Variants in ARHGAP28 observed in about 807,000 individuals in gnomAD.
ARHGAP28 encodes the protein Rho GTPase activating protein 28.
A neutral mutation model predicts 90.7 loss-of-function variants in ARHGAP28; 56 were observed. The observed-to-expected ratio is 0.62, with a 90% CI of 0.50 to 0.77. The LOEUF (loss-of-function observed/expected upper bound fraction) is 0.77, where lower values mean the gene tolerates loss of function less well. Among genes scored for constraint, ARHGAP28 ranks in the 30% least tolerant of loss-of-function variants. The probability of loss-of-function intolerance (pLI) is 0.00; values close to 1 mark genes in which losing one functional copy is unlikely to be tolerated. For missense variants in ARHGAP28, 869 were observed against 900.9 expected (o/e 0.96, Z 0.45); for synonymous variants, 308 against 323.3 (o/e 0.95, Z 0.51).
chr18:6,731,662 CT>C (rs2055883972), intron 1 of ARHGAP28, among the ~76,000 whole-genome samples: 1 of 152,176 alleles, frequency 6.6e-6, no homozygotes, highest in Non-Finnish European at 1.5e-5. Flanking sequence ...GCAGAACCCC[CT>C]GGCCCCCTGC....
intron 3 of ARHGAP28, among the ~76,000 whole-genome samples, chr18:6,849,996 T>G (rs1310922509): frequency 6.6e-6 from 1 of 152,130 alleles, no homozygotes; most frequent in African/African-American, 2.4e-5. Context: ...TTGTCACTTA[T>G]TTTCCGTATA....
chr18:6,742,221 C>A (rs1367183777), intron 1 of ARHGAP28, among the ~76,000 whole-genome samples: 1 of 138,524 alleles, frequency 7.2e-6, no homozygotes, highest in Non-Finnish European at 1.5e-5. Flanking sequence ...GGCTGGAGTT[C>A]AGTGGTGTGA....
Position 6,851,131 on chromosome 18 carries a change from G to GT in ARHGAP28, c.636+7dup. On this transcript the variant is annotated splice_donor_region_variant and intron_variant, in intron 4 of 17. Transcript: ENST00000383472. ...ATCAAGACAAGTGGTTCCATGGTAA[G>GT]TTATAGTTGTGGGGGGATGGTGGTA... is the stretch of plus-strand genomic sequence containing the variant. 1 of 1,613,436 alleles carries GT rather than the reference G, an allele frequency of 6.2e-7. No homozygotes were observed. The highest frequency in any genetic ancestry group is 8.5e-7 in the Non-Finnish European group (1 of 1,179,432).
intron 1 of ARHGAP28, among the ~76,000 whole-genome samples, chr18:6,819,532 T>C (rs2056613203): frequency 6.6e-6 from 1 of 152,148 alleles, no homozygotes. Flanking sequence ...GTGGAGGGAC[T>C]CTACCGGGAT....
chr18:6,783,682 C>T (rs972535439), intron 1 of ARHGAP28, among the ~76,000 whole-genome samples: 3 of 152,312 alleles, frequency 2.0e-5, no homozygotes, highest in African/African-American at 4.8e-5. Context: ...CACTTTGAGA[C>T]GCTCTGCGGG....
intron 1 of ARHGAP28, 38 bp downstream of exon 1, chr18:6,729,981 G>C (rs1452836967): frequency 2.0e-5 from 27 of 1,318,862 alleles, no homozygotes; most frequent in Non-Finnish European, 2.6e-5. Flanking sequence ...GCGCAGTCGC[G>C]CTGGGCTTGG....
chr18:6,873,291 A>T, intron 7 of ARHGAP28, 118 bp from the exon 8 acceptor site: 1 of 803,118 alleles, frequency 1.2e-6, no homozygotes, highest in Non-Finnish European at 2.0e-6. Context: ...CTCCTTAGAG[A>T]TGTTTTCCAA....
intron 1 of ARHGAP28, among the ~76,000 whole-genome samples, chr18:6,763,044 C>A (rs1418790964): frequency 6.6e-6 from 1 of 152,066 alleles, no homozygotes; most frequent in African/African-American, 2.4e-5. Flanking sequence ...CTTGTATCAT[C>A]CCATTTAATT....
At chr18:6,815,252 A>G (rs2056582387) in intron 1 of ARHGAP28, among the ~76,000 whole-genome samples, 1 of 152,258 alleles carries the variant, frequency 6.6e-6, no homozygotes, top group Admixed American at 6.5e-5. Context: ...TATTAGCCGA[A>G]CAGGGAGCAA....
chr18:6,869,016 A>C (rs2057060462), intron 6 of ARHGAP28, among the ~76,000 whole-genome samples: 1 of 152,142 alleles, frequency 6.6e-6, no homozygotes, highest in African/African-American at 2.4e-5. Context: ...AGACATTAGT[A>C]TTCTACATCA....
At chr18:6,891,716 T>TA (rs922801124) in intron 14 of ARHGAP28, among the ~76,000 whole-genome samples, 1 of 152,146 alleles carries the variant, frequency 6.6e-6, no homozygotes, top group African/African-American at 2.4e-5. Context: ...GCCTCTCCAG[T>TA]AGCTAGGACT....
At chr18:6,898,055 T>C (rs2057316737) in intron 16 of ARHGAP28, 1 of 155,268 alleles carries the variant, frequency 6.4e-6, no homozygotes, top group African/African-American at 2.4e-5. Context: ...CTGTATTATG[T>C]CTTAAAACCA....
rs189579726 is a variant in ARHGAP28 at position 6,840,196 on chromosome 18, A to G, written c.543+2782A>G. On this transcript the variant is annotated intron_variant, in intron 3 of 17. Coordinates refer to ENST00000383472, the MANE Select transcript of ARHGAP28 (RefSeq NM_001366230.1). Reference sequence around the variant, plus strand: ...AGCCTGGGAATTCTTCTGAAAACAAAAATTCCCTGGGTTATTTTTCAGTTG... The same window carrying G: ...AGCCTGGGAATTCTTCTGAAAACAAGAATTCCCTGGGTTATTTTTCAGTTG... Among the ~76,000 whole-genome samples the G allele has an allele frequency of 9.2e-5, 14 of 152,300 alleles. No individual in the cohort carries two copies. The East Asian group carries it at 2.7e-3, about 29-fold the overall frequency.
intron 14 of ARHGAP28, 134 bp from the exon 15 acceptor site, chr18:6,894,701 A>G: frequency 3.0e-6 from 2 of 673,018 alleles, no homozygotes; most frequent in South Asian, 3.7e-5. Context: ...CTGTTGGATT[A>G]AAGTGCATAT....
intron 1 of ARHGAP28, among the ~76,000 whole-genome samples, chr18:6,815,903 T>G (rs1453853956): frequency 6.9e-6 from 1 of 145,054 alleles, no homozygotes; most frequent in East Asian, 2.0e-4. Flanking sequence ...TGATGTGTCA[T>G]TGTTTTTTTT....
chr18:6,851,148 A>G lies in ARHGAP28; in HGVS notation c.636+22A>G, dbSNP rs756773619. 1.4e-5 allele frequency: 23 copies of G among 1,602,580 alleles called. 1 individual carries two copies. The highest frequency in any genetic ancestry group is 5.0e-5 in the Admixed American group (3 of 59,518). On this transcript the variant is annotated intron_variant, in intron 4 of 17. Coordinates refer to ENST00000383472, the MANE Select transcript of ARHGAP28 (RefSeq NM_001366230.1). ...CATGGTAAGTTATAGTTGTGGGGGG[A>G]TGGTGGTAGGCATGAAATAAGCCAT...
At chr18:6,903,733 G>A (rs897962045) in intron 16 of ARHGAP28, among the ~76,000 whole-genome samples, 3 of 151,044 alleles carry the variant, frequency 2.0e-5, no homozygotes, top group Non-Finnish European at 4.4e-5. Flanking sequence ...CGGAGGCTGA[G>A]GCAGAGAACT....
Position 6,898,770 on chromosome 18 carries a change from T to C in ARHGAP28, c.2030+2144T>C, listed in dbSNP as rs1056738838. ...TTTATAACAACTTGTTCAAAAAATC[T>C]TAGTAACTCAGGAATGGAAAACCAA... On this transcript the variant is annotated intron_variant, in intron 16 of 17. Transcript: ENST00000383472. 2.4e-6 allele frequency: 3 copies of C among 1,256,148 alleles called. No individual in the cohort carries two copies. In the African/African-American group the frequency reaches 4.7e-5, roughly 20 times the overall value. The allele number at this position is 1,256,148 out of a possible 1,614,324, so 77.8% of individuals were successfully genotyped here.
intron 1 of ARHGAP28, among the ~76,000 whole-genome samples, chr18:6,747,075 T>C (rs1193342395): frequency 4.6e-5 from 7 of 150,988 alleles, no homozygotes; most frequent in African/African-American, 9.7e-5. Context: ...TATTTTCTTT[T>C]TTTTTTTTTT....
Sources: allele counts gnomAD v4.1 joint callset (sites outside exome capture counted in the v4.1 genomes callset), GRCh38; gene constraint gnomAD v4.1.1; transcripts MANE v1.5; gene names NCBI Gene and HGNC (gene_info 2026-07-23, HGNC 2026-07-21).